Variants in ANKRD44 observed in about 807,000 individuals in gnomAD.
ANKRD44 encodes serine/threonine-protein phosphatase 6 regulatory ankyrin repeat subunit B.
ANKRD44 carries 35 observed loss-of-function variants against 116.0 expected under a neutral mutation model. The ratio of observed to expected loss-of-function variants is 0.30; its 90% CI spans 0.23 to 0.40. The LOEUF is 0.40. ANKRD44 is among the 10% of genes least tolerant of loss of function. The pLI is 1.00. For synonymous variants in ANKRD44, 435 were observed against 461.8 expected (o/e 0.94, Z 0.74); for missense variants, 1,014 against 1,242.6 (o/e 0.82, Z 2.77).
At chr2:197,035,355 A>C (rs2076788868) in intron 16 of ANKRD44, among the ~76,000 whole-genome samples, 1 of 152,214 alleles carries the variant, frequency 6.6e-6, no homozygotes, top group Non-Finnish European at 1.5e-5. Context: ...TTAAAATTTA[A>C]GAAAATAGAA....
intron 11 of ANKRD44, 24 bp from the exon 12 acceptor site, chr2:197,088,798 C>G: frequency 6.2e-7 from 1 of 1,612,058 alleles, no homozygotes; most frequent in Non-Finnish European, 8.5e-7. Flanking sequence ...GTGCTCATTA[C>G]TAAACAAGGA....
chr2:197,177,730 T>C (rs2080401694), intron 2 of ANKRD44, among the ~76,000 whole-genome samples: 2 of 152,166 alleles, frequency 1.3e-5, no homozygotes, highest in South Asian at 4.1e-4. Flanking sequence ...GATTCAGCTA[T>C]AATTAATGTT....
intron 16 of ANKRD44, among the ~76,000 whole-genome samples, chr2:197,038,147 T>C (rs138973546): frequency 1.3e-5 from 2 of 152,230 alleles, no homozygotes; most frequent in Non-Finnish European, 2.9e-5. Flanking sequence ...AGGTAAACTC[T>C]GGGACTTTGG....
At chr2:197,044,649 G>A (rs1320613861) in intron 16 of ANKRD44, among the ~76,000 whole-genome samples, 3 of 152,192 alleles carry the variant, frequency 2.0e-5, no homozygotes, top group East Asian at 1.9e-4. Flanking sequence ...GTGAGCCACC[G>A]CACCCAGACT....
At chr2:197,134,568 A>T (rs2079172400) in intron 4 of ANKRD44, 1 of 152,226 alleles carries the variant, frequency 6.6e-6, no homozygotes, top group Non-Finnish European at 1.5e-5. Flanking sequence ...GAAGTCTTTG[A>T]AGCTAGTTGA....
At chr2:197,255,803 A>C (rs909073324) in intron 1 of ANKRD44, among the ~76,000 whole-genome samples, 1 of 152,250 alleles carries the variant, frequency 6.6e-6, no homozygotes, top group African/African-American at 2.4e-5. Context: ...AAAGGCAACG[A>C]CGCTCCTGGA....
chr2:197,166,735 C>A (rs1486059039), intron 2 of ANKRD44, among the ~76,000 whole-genome samples: 1 of 152,134 alleles, frequency 6.6e-6, no homozygotes, highest in East Asian at 1.9e-4. Flanking sequence ...AACCCAAGGT[C>A]ATATAACAGC....
At chr2:197,001,412 T>C (rs1262959505) in intron 22 of ANKRD44, among the ~76,000 whole-genome samples, 1 of 152,264 alleles carries the variant, frequency 6.6e-6, no homozygotes, top group Non-Finnish European at 1.5e-5. Context: ...TAACCATCTG[T>C]AGGCATACTG....
intron 16 of ANKRD44, among the ~76,000 whole-genome samples, chr2:197,055,129 A>T (rs999116658): frequency 6.6e-6 from 1 of 152,224 alleles, no homozygotes; most frequent in African/African-American, 2.4e-5. Context: ...GCAATTTATT[A>T]TGGCAGCAAT....
chr2:197,246,426 C>CAAGCAA (rs968489833), intron 1 of ANKRD44, among the ~76,000 whole-genome samples: 5 of 130,770 alleles, frequency 3.8e-5, no homozygotes, highest in South Asian at 5.1e-4. Context: ...CTCCTGACCT[C>CAAGCAA]AAGCAAATCA....
At chr2:196,993,532 C>G (rs780487737) in intron 27 of ANKRD44, 51 bp downstream of exon 27, 1 of 1,429,800 alleles carries the variant, frequency 7.0e-7, no homozygotes, top group African/African-American at 1.4e-5. Context: ...CCTCTGGCTT[C>G]AACTAGCTTA....
At chr2:197,292,633 G>C (rs189259195) in intron 1 of ANKRD44, among the ~76,000 whole-genome samples, 1 of 152,148 alleles carries the variant, frequency 6.6e-6, no homozygotes, top group Non-Finnish European at 1.5e-5. Context: ...AAATGTGCAA[G>C]GGAATACATA....
chr2:197,290,291 T>G (rs2083525594), intron 1 of ANKRD44, among the ~76,000 whole-genome samples: 1 of 152,268 alleles, frequency 6.6e-6, no homozygotes, highest in South Asian at 2.1e-4. Flanking sequence ...ATTACGGCTA[T>G]TCTTGCAGGA....
Position 197,000,401 on chromosome 2 carries a change from C to T in ANKRD44, c.2519+18G>A, listed in dbSNP as rs1263446405. ...TAAGATTCATCAAGAAAAAAGCATG[C>T]TGTTTTAGATTACTTACCTGCCTTT... On this transcript the variant is annotated intron_variant, in intron 23 of 27. Coordinates refer to ENST00000282272, the MANE Select transcript of ANKRD44 (RefSeq NM_001195144.2). The T allele has an allele frequency of 6.2e-7, 1 of 1,601,076 alleles. No homozygotes were observed. The highest frequency in any genetic ancestry group is 8.6e-7 in the Non-Finnish European group (1 of 1,168,684).
At chr2:197,060,636 T>C (rs1000702132) in intron 16 of ANKRD44, among the ~76,000 whole-genome samples, 6 of 152,194 alleles carry the variant, frequency 3.9e-5, no homozygotes, top group African/African-American at 7.2e-5. Flanking sequence ...TCAGAACTTA[T>C]TCATTCTGCA....
Position 197,170,884 on chromosome 2 carries a change from T to A in ANKRD44, c.111+16139A>T, listed in dbSNP as rs540270351. Among the ~76,000 whole-genome samples, 303 of 152,220 alleles carry A rather than the reference T, an allele frequency of 2.0e-3. 1 individual carries two copies. The highest frequency in any genetic ancestry group is 3.5e-3 in the Non-Finnish European group (238 of 68,004). On this transcript the variant is annotated intron_variant, in intron 2 of 27. Coordinates refer to ENST00000282272, the MANE Select transcript of ANKRD44 (RefSeq NM_001195144.2). ...CTGGAAGAGCCTTAGTTTTCTCCCC[T>A]AGTTGATGGGGCCGGGGGTGGTGGA...
intron 16 of ANKRD44, among the ~76,000 whole-genome samples, chr2:197,065,335 C>T (rs904260422): frequency 2.0e-5 from 3 of 152,106 alleles, no homozygotes; most frequent in African/African-American, 4.8e-5. Context: ...GCACTAAATA[C>T]CCACAAGAGA....
chr2:197,186,161 A>G (rs535271013), intron 2 of ANKRD44, among the ~76,000 whole-genome samples: 20 of 152,330 alleles, frequency 1.3e-4, no homozygotes, highest in African/African-American at 4.8e-4. Context: ...AAAAAAATGT[A>G]TGATGTACCA....
chr2:197,221,679 C>A (rs907664135), intron 1 of ANKRD44, among the ~76,000 whole-genome samples: 3 of 152,186 alleles, frequency 2.0e-5, no homozygotes, highest in African/African-American at 7.2e-5. Flanking sequence ...CCACCCTCGG[C>A]CATCTTTCAC....
Sources: gnomAD v4.1 joint callset for allele counts (sites outside exome capture counted in the v4.1 genomes callset) on GRCh38, gnomAD v4.1.1 for gene constraint, MANE v1.5 for transcripts, NCBI Gene and HGNC (gene_info 2026-07-23, HGNC 2026-07-21) for gene names.